MTUS2: variants seen among roughly 807,000 people sequenced by gnomAD.
The protein encoded by MTUS2 is microtubule associated scaffold protein 2, also known as microtubule-associated tumor suppressor candidate 2.
In MTUS2, 40 loss-of-function variants were observed where a neutral mutation model predicts 114.1. That is an observed-to-expected ratio of 0.35 (90% confidence interval 0.27 to 0.46). MTUS2 has a LOEUF of 0.46. Among genes scored for constraint, MTUS2 ranks in the 20% least tolerant of loss-of-function variants. The probability of loss-of-function intolerance (pLI) is 1.00; values close to 1 mark genes in which losing one functional copy is unlikely to be tolerated. For missense variants in MTUS2, 1,679 were observed against 1,705.4 expected (o/e 0.98, Z 0.27); for synonymous variants, 688 against 672.0 (o/e 1.02, Z -0.37).
At chr13:29,156,858 C>T (rs573032061) in intron 5 of MTUS2, among the ~76,000 whole-genome samples, 6 of 152,296 alleles carry the variant, frequency 3.9e-5, no homozygotes, top group South Asian at 2.1e-4. Flanking sequence ...TCCCCGACCC[C>T]GCCTCAGAGC....
At chr13:29,340,833 T>C (rs1901357255) in intron 7 of MTUS2, among the ~76,000 whole-genome samples, 1 of 152,200 alleles carries the variant, frequency 6.6e-6, no homozygotes, top group Non-Finnish European at 1.5e-5. Context: ...CCAAAGTGCA[T>C]TGAATCATTC....
At chr13:29,020,378 C>A (rs555697223) in intron 2 of MTUS2, among the ~76,000 whole-genome samples, 2 of 152,048 alleles carry the variant, frequency 1.3e-5, no homozygotes, top group African/African-American at 4.8e-5. Flanking sequence ...CTTCTGTGAT[C>A]ATGTTATATA....
At chr13:29,215,757 C>T (rs561837609) in intron 5 of MTUS2, among the ~76,000 whole-genome samples, 25 of 152,202 alleles carry the variant, frequency 1.6e-4, no homozygotes, top group African/African-American at 5.3e-4. Context: ...AAGCTTCATC[C>T]CAGAGGGGCA....
rs115158739 is a variant in MTUS2, at chr13:28,964,232, T to G, written c.-242-60225T>G. ...TCTGCAGTCTAGTAAATGGCAATAC[T>G]GCTGACTCTGCTGCTAAGTCAACAA... On this transcript the variant is annotated intron_variant, in intron 2 of 15. Coordinates refer to ENST00000612955, the MANE Select transcript of MTUS2 (RefSeq NM_001033602.4). 5.0e-3 allele frequency among the ~76,000 whole-genome samples: 762 copies of G among 152,334 alleles called. 5 individuals are homozygous for G. Among genetic ancestry groups the G allele is most frequent in the African/African-American group, 0.018 (736 of 41,568 alleles).
chr13:28,844,954 G>T (rs992061094), intron 2 of MTUS2, among the ~76,000 whole-genome samples: 1 of 151,884 alleles, frequency 6.6e-6, no homozygotes, highest in Non-Finnish European at 1.5e-5. Context: ...TAATTTACTT[G>T]TTAATTAATT....
intron 5 of MTUS2, among the ~76,000 whole-genome samples, chr13:29,209,325 T>C (rs6490368): frequency 0.82 from 125,403 of 152,140 alleles, 51,793 homozygotes; most frequent in East Asian, 0.89. Context: ...TTATGTTGTT[T>C]GGTGAGTCTC....
intron 5 of MTUS2, among the ~76,000 whole-genome samples, chr13:29,118,678 G>A: frequency 6.6e-6 from 1 of 152,162 alleles, no homozygotes; most frequent in Non-Finnish European, 1.5e-5. Context: ...TGGGGGTGGT[G>A]TGAGTGTTTG....
intron 4 of MTUS2, among the ~76,000 whole-genome samples, chr13:29,077,396 T>TA (rs574656480): frequency 1.7e-4 from 26 of 149,494 alleles, no homozygotes; most frequent in South Asian, 4.2e-4. Context: ...ATGGTAAAAT[T>TA]AAAAAAAAAA....
chr13:29,125,690 G>A (rs996908752), intron 5 of MTUS2, among the ~76,000 whole-genome samples: 3 of 152,198 alleles, frequency 2.0e-5, no homozygotes, highest in Non-Finnish European at 4.4e-5. Context: ...TACCTGGGAA[G>A]TTATAAAAAT....
At chr13:29,191,124 C>T (rs1392708332) in intron 5 of MTUS2, among the ~76,000 whole-genome samples, 2 of 152,002 alleles carry the variant, frequency 1.3e-5, no homozygotes, top group Admixed American at 6.6e-5. Flanking sequence ...AGTCTCATAA[C>T]GCTTCAGCTT....
At chr13:29,467,208 C>T (rs1397740801) in intron 9 of MTUS2, among the ~76,000 whole-genome samples, 1 of 152,056 alleles carries the variant, frequency 6.6e-6, no homozygotes, top group Non-Finnish European at 1.5e-5. Flanking sequence ...GAAGAGTGGT[C>T]GCAAACTTAA....
At chr13:28,958,889 A>G (rs1028217154) in intron 2 of MTUS2, among the ~76,000 whole-genome samples, 1 of 152,240 alleles carries the variant, frequency 6.6e-6, no homozygotes. Context: ...AGCTATGTGT[A>G]TATTTAATAT....
At chr13:29,493,104 G>A (rs1882306096) in intron 12 of MTUS2, among the ~76,000 whole-genome samples, 1 of 152,146 alleles carries the variant, frequency 6.6e-6, no homozygotes, top group Non-Finnish European at 1.5e-5. Context: ...GGAGGGTTGT[G>A]CAGGTCAGAA....
intron 2 of MTUS2, among the ~76,000 whole-genome samples, chr13:28,961,731 A>G (rs1883336790): frequency 6.6e-6 from 1 of 152,160 alleles, no homozygotes; most frequent in Non-Finnish European, 1.5e-5. Flanking sequence ...CATCTAAGAT[A>G]CGTAGTTTTG....
chr13:29,448,910 C>T (rs936152503), intron 9 of MTUS2, among the ~76,000 whole-genome samples: 2 of 151,916 alleles, frequency 1.3e-5, no homozygotes, highest in Non-Finnish European at 2.9e-5. Flanking sequence ...CGGGCCACCA[C>T]GCCCGGCTAG....
At chr13:29,486,646 A>T (rs1566231491) in intron 10 of MTUS2, among the ~76,000 whole-genome samples, 1 of 152,256 alleles carries the variant, frequency 6.6e-6, no homozygotes, top group Non-Finnish European at 1.5e-5. Flanking sequence ...TTGTGAAATA[A>T]ATGTAGTGGC....
At chr13:29,019,583 C>A (rs1886211077) in intron 2 of MTUS2, among the ~76,000 whole-genome samples, 1 of 152,136 alleles carries the variant, frequency 6.6e-6, no homozygotes, top group Admixed American at 6.5e-5. Context: ...GTGCTAAAAC[C>A]AGTTACAAAT....
At chr13:29,457,199 G>A (rs1387252649) in intron 9 of MTUS2, among the ~76,000 whole-genome samples, 1 of 150,952 alleles carries the variant, frequency 6.6e-6, no homozygotes, top group Non-Finnish European at 1.5e-5. Flanking sequence ...ATTTTTAAAT[G>A]TTCAGTTTGA....
intron 2 of MTUS2, among the ~76,000 whole-genome samples, chr13:28,980,880 C>T (rs1022076740): frequency 1.5e-4 from 23 of 152,138 alleles, no homozygotes; most frequent in Admixed American, 1.3e-3. Context: ...TTGTCTGAAC[C>T]GTGACACTTC....
Sources: gnomAD v4.1 joint callset for allele counts (sites outside exome capture counted in the v4.1 genomes callset) on GRCh38, gnomAD v4.1.1 for gene constraint, MANE v1.5 for transcripts, NCBI Gene and HGNC (gene_info 2026-07-23, HGNC 2026-07-21) for gene names.